ANKRD13D: variants seen among roughly 807,000 people sequenced by gnomAD.
The protein encoded by ANKRD13D is ankyrin repeat domain-containing protein 13D.
In ANKRD13D, 24 loss-of-function variants were observed where a neutral mutation model predicts 68.8. The observed-to-expected ratio is 0.35, with a 90% confidence interval of 0.25 to 0.49. The LOEUF is 0.49. Ranked by LOEUF, ANKRD13D falls within the 20% of genes least tolerant of loss-of-function variation. ANKRD13D has a pLI of 0.99. For synonymous variants in ANKRD13D, 331 were observed against 336.1 expected, an observed-to-expected ratio of 0.98 and a Z score of 0.16; for missense variants, 735 against 832.1, an observed-to-expected ratio of 0.88 and a Z score of 1.44.
rs747853002 is a variant in ANKRD13D at position 67,301,638 on chromosome 11, C to T, written c.1499C>T (p.Thr500Ile). The part of the protein sequence containing the change: ...AIQQSLLEAG[T>I]EAEQVTVWEA... ...CAGCAGAGCCTGCTTGAAGCGGGCA[C>T]TGAGGCGGAGCAGGTGGGACTTGCC... The change falls in exon 13 of 15, where the codon ACT becomes ATT. Residue 500 changes from threonine (T) to isoleucine (I), a missense_variant. Transcript: ENST00000511455. This position sits in a 1 kb window ranked among gnomAD's most constrained non-coding sequence, Gnocchi z 4.5. 6.2e-7 allele frequency: 1 copy of T among 1,612,376 alleles called. No homozygotes were observed. Among genetic ancestry groups the T allele is most frequent in the South Asian group, 1.1e-5 (1 of 91,062 alleles).
rs1314768388 is a variant in ANKRD13D at position 67,299,532 on chromosome 11, G to A, written c.801G>A (p.Val267=). The A allele has an allele frequency of 3.9e-6, 6 of 1,550,764 alleles. No individual in the cohort carries two copies. The East Asian group carries it at 7.3e-5, about 19-fold the overall frequency. Residue 267 remains valine, a splice_region_variant and synonymous_variant, in exon 8 of 15, where the codon GTG becomes GTA. Transcript: ENST00000511455. The surrounding 1 kb of genome is among the most constrained non-coding windows in gnomAD (Gnocchi z 6.2). ...METVSGYEAK[V]YSATNVELVT... ...TCCCCGTGTCCCCTGCTCCCCAGGT[G>A]TACAGTGCCACCAACGTGGAGCTGG...
Position 67,301,562 on chromosome 11 carries a change from C to T in ANKRD13D, c.1423C>T (p.Arg475Cys), listed in dbSNP as rs755325079. Residue 475 changes from arginine (R) to cysteine (C), a missense_variant, in exon 13 of 15, where the codon CGC becomes TGC. Transcript: ENST00000511455. The surrounding 1 kb of genome is among the most constrained non-coding windows in gnomAD (Gnocchi z 4.5). ...PNGYSVLGME[R>C]NEPLRDEDDD... ...CGGGTACAGCGTGCTGGGCATGGAG[C>T]GCAACGAGCCCCTCCGGGACGAGGA... The T allele has an allele frequency of 8.7e-6, 14 of 1,612,856 alleles. No individual in the cohort carries two copies. Among genetic ancestry groups the T allele is most frequent in the Admixed American group, 3.3e-5 (2 of 60,012 alleles).
Position 67,302,353 on chromosome 11 carries a change from G to C in ANKRD13D, c.*21G>C. On this transcript the variant is annotated 3_prime_UTR_variant, in exon 15 of 15. Transcript: ENST00000511455. ...ACTGAGCCATAGCCCCGGGAGGGCTGGCCAGGCCACTCCCTGCCCGCTTTT... is the reference window on the plus strand; with the variant it reads ...ACTGAGCCATAGCCCCGGGAGGGCTCGCCAGGCCACTCCCTGCCCGCTTTT... The C allele has an allele frequency of 6.8e-7, 1 of 1,476,364 alleles. No individual in the cohort carries two copies. The highest frequency in any genetic ancestry group is 9.0e-7 in the Non-Finnish European group (1 of 1,105,796). The allele number at this position is 1,476,364 out of a possible 1,614,324, so 91.5% of individuals were successfully genotyped here.
chr11:67,295,416 CA>C (rs1236876784), intron 6 of ANKRD13D, among the ~76,000 whole-genome samples: 3 of 139,538 alleles, frequency 2.1e-5, no homozygotes, highest in Admixed American at 7.1e-5. Context: ...GACTCCATCT[CA>C]AAAAAAAAGG....
chr11:67,289,988 C>T, intron 1 of ANKRD13D, 90 bp from the exon 2 acceptor site: 1 of 1,468,920 alleles, frequency 6.8e-7, no homozygotes, highest in Non-Finnish European at 9.0e-7. Context: ...TCCTTATTTC[C>T]CACAGCGATT....
chr11:67,301,952 C>A lies in ANKRD13D; in HGVS notation c.1604+129C>A. The A allele has an allele frequency of 7.5e-7, 1 of 1,330,098 alleles. No homozygotes were observed. Among genetic ancestry groups the A allele is most frequent in the Non-Finnish European group, 1.0e-6 (1 of 988,136 alleles). The allele number at this position is 1,330,098 out of a possible 1,614,324, so 82.4% of individuals were successfully genotyped here. A position where few individuals can be genotyped will look rare whatever the true frequency, so the allele number is the denominator to read the frequency against. The stretch of plus-strand genomic sequence containing the variant: ...CACCCTCTGTCAGCAGCGCTATCTG[C>A]CACCAAAGGTGGTGTGAGGGGTGGG... On this transcript the variant is annotated intron_variant, in intron 14 of 14. Transcript: ENST00000511455. The surrounding 1 kb of genome is among the most constrained non-coding windows in gnomAD (Gnocchi z 4.5).
rs1308439537 is a variant in ANKRD13D, at chr11:67,300,513, C to A, written c.1073+390C>A. ...AGCCTTGAGCAGGTATAGGCGGTAACAGCAGGCACAGTGCCTGCACAAGCC... is the reference window on the plus strand; with the variant it reads ...AGCCTTGAGCAGGTATAGGCGGTAAAAGCAGGCACAGTGCCTGCACAAGCC... On this transcript the variant is annotated intron_variant, in intron 10 of 14. Coordinates refer to ENST00000511455, the MANE Select transcript of ANKRD13D (RefSeq NM_207354.3). This position sits in a 1 kb window ranked among gnomAD's most constrained non-coding sequence, Gnocchi z 4.3. 1.2e-5 allele frequency: 4 copies of A among 324,290 alleles called. No homozygotes were observed. The highest frequency in any genetic ancestry group is 1.7e-5 in the Non-Finnish European group (3 of 175,364). The allele number at this position is 324,290 out of a possible 1,614,324, so 20.1% of individuals were successfully genotyped here. A position where few individuals can be genotyped will look rare whatever the true frequency, so the allele number is the denominator to read the frequency against.
In ANKRD13D at chr11:67,301,704, T is replaced by C; in HGVS notation, c.1513-28T>C. Reference sequence around the variant, plus strand: ...GGCCTCTGCAGCCACACGGCAGAAGTGACAGCTGTGGGCTCTGGTGGCTGC... The same window carrying C: ...GGCCTCTGCAGCCACACGGCAGAAGCGACAGCTGTGGGCTCTGGTGGCTGC... On this transcript the variant is annotated intron_variant, in intron 13 of 14. Coordinates refer to ENST00000511455, the MANE Select transcript of ANKRD13D (RefSeq NM_207354.3). The surrounding 1 kb of genome is among the most constrained non-coding windows in gnomAD (Gnocchi z 4.5). 1.2e-6 allele frequency: 2 copies of C among 1,611,340 alleles called. No individual in the cohort carries two copies. The highest frequency in any genetic ancestry group is 1.7e-6 in the Non-Finnish European group (2 of 1,179,618).
In ANKRD13D at chr11:67,301,433, C is replaced by T. The variant is rs889943968; in HGVS notation, c.1348+35C>T. On this transcript the variant is annotated intron_variant, in intron 12 of 14. Coordinates refer to ENST00000511455, the MANE Select transcript of ANKRD13D (RefSeq NM_207354.3). This position sits in a 1 kb window ranked among gnomAD's most constrained non-coding sequence, Gnocchi z 4.5. Reference sequence around the variant, plus strand: ...CGGGAGGAAGAGGGAGCCTGCACAGCTTTCTGGTCACCAAGCCCCGCGGGT... The same window carrying T: ...CGGGAGGAAGAGGGAGCCTGCACAGTTTTCTGGTCACCAAGCCCCGCGGGT... 1 of 1,607,290 alleles carries T rather than the reference C, an allele frequency of 6.2e-7. No individual in the cohort carries two copies. The highest frequency in any genetic ancestry group is 1.7e-5 in the Admixed American group (1 of 59,432).
intron 1 of ANKRD13D, 192 bp downstream of exon 1, chr11:67,289,742 C>T (rs1394218236): frequency 2.1e-6 from 3 of 1,407,428 alleles, no homozygotes; most frequent in Admixed American, 3.0e-5. Context: ...CTCTCCCCTG[C>T]GCTGGGCCTT....
intron 6 of ANKRD13D, among the ~76,000 whole-genome samples, chr11:67,294,908 T>C (rs12291831): frequency 0.036 from 5,507 of 152,290 alleles, 318 homozygotes; most frequent in African/African-American, 0.13. Context: ...TTACAATTGA[T>C]TTCTGTATGT....
intron 3 of ANKRD13D, chr11:67,290,947 C>T (rs1860513393): frequency 5.6e-6 from 1 of 177,530 alleles, no homozygotes; most frequent in Non-Finnish European, 1.2e-5. Context: ...TTGAGGCTGG[C>T]CCTCCACCTC....
At position 67,301,794 on chromosome 11, in the gene ANKRD13D, G is replaced by A. The variant is rs758157475; in HGVS notation, c.1575G>A (p.Thr525=). The A allele has an allele frequency of 2.4e-5, 38 of 1,606,874 alleles. No individual in the cohort carries two copies. The highest frequency in any genetic ancestry group is 3.3e-4 in the Middle Eastern group (2 of 6,044). The change falls in exon 14 of 15, where the codon ACG becomes ACA. Residue 525 remains threonine, a synonymous_variant. Transcript: ENST00000511455. The surrounding 1 kb of genome is among the most constrained non-coding windows in gnomAD (Gnocchi z 4.5). ...RPGARPPPQA[T]VYEEQLQLER... ...GTGCCCGCCCTCCTCCCCAGGCCACGGTTTATGAGGAACAGCTTCAGCTGG... is the reference window on the plus strand; with the variant it reads ...GTGCCCGCCCTCCTCCCCAGGCCACAGTTTATGAGGAACAGCTTCAGCTGG...
intron 6 of ANKRD13D, among the ~76,000 whole-genome samples, chr11:67,296,204 A>G (rs1216577744): frequency 6.6e-6 from 1 of 152,106 alleles, no homozygotes; most frequent in African/African-American, 2.4e-5. Flanking sequence ...TGGTTTTGGT[A>G]TCTGGGTGAT....
chr11:67,292,076 A>G lies in ANKRD13D; in HGVS notation c.627A>G (p.Glu209=), dbSNP rs775132569. The part of the protein sequence containing the change: ...ETLGLTLQEP[E]TLLAAMRPSE... ...TGGGGCTCACTCTGCAGGAGCCCGA[A>G]ACACTGCTGGCCGCCATGCGGCCCA... is the stretch of plus-strand genomic sequence containing the variant. The change falls in exon 6 of 15, where the codon GAA becomes GAG. Residue 209 remains glutamate (E), a synonymous_variant. Coordinates refer to ENST00000511455, the MANE Select transcript of ANKRD13D (RefSeq NM_207354.3). The G allele has an allele frequency of 3.1e-6, 5 of 1,611,958 alleles. No homozygotes were observed. The South Asian group carries it at 5.5e-5, about 18-fold the overall frequency.
rs1427007643 is a variant in ANKRD13D, at chr11:67,301,881, A to AG, written c.1604+63dup. On this transcript the variant is annotated intron_variant, in intron 14 of 14. Coordinates refer to ENST00000511455, the MANE Select transcript of ANKRD13D (RefSeq NM_207354.3). The surrounding 1 kb of genome is among the most constrained non-coding windows in gnomAD (Gnocchi z 4.5). Reference sequence around the variant, plus strand: ...TCCCCCCAGCCCTGGCTTGGCGGGGAGGGGGATAGCAGGAAGGTGCTAGGA... The same window carrying AG: ...TCCCCCCAGCCCTGGCTTGGCGGGGAGGGGGGATAGCAGGAAGGTGCTAGGA... The AG allele has an allele frequency of 6.6e-7, 1 of 1,511,654 alleles. No homozygotes were observed. The highest frequency in any genetic ancestry group is 8.9e-7 in the Non-Finnish European group (1 of 1,124,026). The allele number at this position is 1,511,654 out of a possible 1,614,324, so 93.6% of individuals were successfully genotyped here.
rs757059372 is a variant in ANKRD13D at position 67,302,106 on chromosome 11, C to A, written c.1605-13C>A. The A allele has an allele frequency of 7.1e-6, 11 of 1,545,956 alleles. No homozygotes were observed. Among genetic ancestry groups the A allele is most frequent in the Non-Finnish European group, 8.7e-6 (10 of 1,143,754 alleles). The stretch of plus-strand genomic sequence containing the variant: ...CACTGGCCTGTTCTTCCCTCCCCTG[C>A]CCTGCCTGGAAGGGCCCTCCAGGAA... On this transcript the variant is annotated splice_polypyrimidine_tract_variant and intron_variant, in intron 14 of 14. Transcript: ENST00000511455.
intron 6 of ANKRD13D, among the ~76,000 whole-genome samples, chr11:67,292,935 C>A (rs535933469): frequency 1.4e-4 from 22 of 152,306 alleles, no homozygotes; most frequent in African/African-American, 4.6e-4. Context: ...TGTCTGGCTT[C>A]TTTCACTTAG....
At position 67,291,704 on chromosome 11, in the gene ANKRD13D, A is replaced by T. The variant is rs1426051020; in HGVS notation, c.499A>T (p.Thr167Ser). ...CAGTCTCCTGGGCTTCGAGCACATG[A>T]CCTGGCAGCGGGGCCGGAGGAGCTT... ...DTSLLGFEHMTWQRGRRSFIF... is the reference protein window; with the variant it reads ...DTSLLGFEHMSWQRGRRSFIF... Residue 167 changes from threonine (T) to serine (S), a missense_variant, in exon 5 of 15, where the codon ACC becomes TCC. Thr to Ser is a moderately conservative substitution (Grantham distance 58). Coordinates refer to ENST00000511455, the MANE Select transcript of ANKRD13D (RefSeq NM_207354.3). 1 of 1,614,078 alleles carries T rather than the reference A, an allele frequency of 6.2e-7. No homozygotes were observed. The highest frequency in any genetic ancestry group is 1.1e-5 in the South Asian group (1 of 91,090).
Sources: allele counts gnomAD v4.1 joint callset (sites outside exome capture counted in the v4.1 genomes callset), GRCh38; gene constraint gnomAD v4.1.1; non-coding constraint Gnocchi (gnomAD v3.1); transcripts MANE v1.5; gene names NCBI Gene and HGNC (gene_info 2026-07-23, HGNC 2026-07-21).